Variants in LMX1B observed in about 807,000 individuals in gnomAD.
LMX1B encodes the protein LIM homeobox transcription factor 1 beta.
A neutral mutation model predicts 51.4 loss-of-function variants in LMX1B; 12 were observed. The ratio of observed to expected loss-of-function variants is 0.23; its 90% CI spans 0.15 to 0.38. LMX1B has a LOEUF of 0.38. LMX1B is among the 10% of genes least tolerant of loss of function. LMX1B has a pLI of 1.00. For missense variants in LMX1B, 445 were observed against 571.1 expected (o/e 0.78, Z 2.25); for synonymous variants, 237 against 235.4 (o/e 1.01, Z -0.06).
intron 2 of LMX1B, among the ~76,000 whole-genome samples, chr9:126,652,008 G>T (rs979035697): frequency 6.6e-6 from 1 of 151,726 alleles, no homozygotes; most frequent in Non-Finnish European, 1.5e-5. Flanking sequence ...GATGGGGGGG[G>T]GCCTGCCTGC....
chr9:126,672,224 G>A (rs1300168072), intron 2 of LMX1B, among the ~76,000 whole-genome samples: 1 of 152,232 alleles, frequency 6.6e-6, no homozygotes, highest in Admixed American at 6.5e-5. Flanking sequence ...TACCCTCTGT[G>A]GAATGGGATC....
chr9:126,631,476 C>T (rs1216498886), intron 2 of LMX1B, among the ~76,000 whole-genome samples: 1 of 151,858 alleles, frequency 6.6e-6, no homozygotes, highest in Non-Finnish European at 1.5e-5. Context: ...CAGCTGGGGG[C>T]CTTTTGAGTT....
rs1180740771 is a variant in LMX1B, at chr9:126,613,994, C to G, written c.-456C>G. Among the ~76,000 whole-genome samples the G allele has an allele frequency of 6.9e-6, 1 of 144,398 alleles. No homozygotes were observed. The highest frequency in any genetic ancestry group is 1.5e-5 in the Non-Finnish European group (1 of 65,094). The allele number at this position is 144,398 out of a possible 152,430, so 94.7% of individuals were successfully genotyped here. On this transcript the variant is annotated 5_prime_UTR_variant, in exon 1 of 8. Coordinates refer to ENST00000373474, the MANE Select transcript of LMX1B (RefSeq NM_001174147.2). The surrounding 1 kb of genome is among the most constrained non-coding windows in gnomAD (Gnocchi z 4.5). ...GCACTGGAGTAGCGCGGGGAGCGCG[C>G]CCGGAGCCCCGCGGCCCGCTGCGCC...
chr9:126,620,196 A>G (rs1835380722), intron 2 of LMX1B, among the ~76,000 whole-genome samples: 1 of 152,184 alleles, frequency 6.6e-6, no homozygotes, highest in South Asian at 2.1e-4. Context: ...AGGGAGGATG[A>G]GGAGCACCCT....
In LMX1B at chr9:126,690,845, G is replaced by C; in HGVS notation, c.336G>C (p.Ala112=). 6.2e-7 allele frequency: 1 copy of C among 1,610,316 alleles called. No homozygotes were observed. Among genetic ancestry groups the C allele is most frequent in the Non-Finnish European group, 8.5e-7 (1 of 1,179,242 alleles). Residue 112 remains alanine (A), a synonymous_variant, in exon 3 of 8, where the codon GCG becomes GCC. Coordinates refer to ENST00000373474, the MANE Select transcript of LMX1B (RefSeq NM_001174147.2). ...YCKQDYQQLF[A]AKCSGCMEKI... The stretch of plus-strand genomic sequence containing the variant: ...CTTTGTGCATCCGCAGGCTCTTCGC[G>C]GCCAAGTGCAGCGGCTGCATGGAGA...
In LMX1B at chr9:126,695,703, G is replaced by A; in HGVS notation, c.887-136G>A. ...GAGTGTGCACCTGGGGAAGGGGCTG[G>A]GGAGTCAGTGTCTGGACAGCTTCAG... is the stretch of plus-strand genomic sequence containing the variant. On this transcript the variant is annotated intron_variant, in intron 6 of 7. Coordinates refer to ENST00000373474, the MANE Select transcript of LMX1B (RefSeq NM_001174147.2). This position sits in a 1 kb window ranked among gnomAD's most constrained non-coding sequence, Gnocchi z 5.2. The A allele has an allele frequency of 1.1e-6, 1 of 919,152 alleles. No individual in the cohort carries two copies. Among genetic ancestry groups the A allele is most frequent in the Non-Finnish European group, 1.7e-6 (1 of 589,806 alleles). 56.9% of individuals were successfully genotyped at this position (919,152 alleles called of 1,614,324 possible).
intron 2 of LMX1B, among the ~76,000 whole-genome samples, chr9:126,636,366 G>A: frequency 6.6e-6 from 1 of 152,140 alleles, no homozygotes. Flanking sequence ...ATTATCCAGG[G>A]AAAGAGGGCA....
intron 2 of LMX1B, among the ~76,000 whole-genome samples, chr9:126,688,345 G>A (rs2029985926): frequency 6.6e-6 from 1 of 152,222 alleles, no homozygotes; most frequent in Admixed American, 6.5e-5. Flanking sequence ...AGCCTAAGAA[G>A]GTTTCCTCTC....
chr9:126,681,908 A>AT (rs1193434454), intron 2 of LMX1B, among the ~76,000 whole-genome samples: 3,173 of 150,830 alleles, frequency 0.021, 91 homozygotes, highest in African/African-American at 0.071. Flanking sequence ...CTCAAAAAAA[A>AT]AAAATAATAA....
At chr9:126,680,590 G>C (rs181293414) in intron 2 of LMX1B, among the ~76,000 whole-genome samples, 1 of 152,254 alleles carries the variant, frequency 6.6e-6, no homozygotes, top group Non-Finnish European at 1.5e-5. Context: ...AGGTACCTGG[G>C]ACTAGCTCAA....
intron 2 of LMX1B, among the ~76,000 whole-genome samples, chr9:126,635,883 C>G (rs926901767): frequency 2.0e-5 from 3 of 152,224 alleles, no homozygotes; most frequent in African/African-American, 7.2e-5. Flanking sequence ...TGAACACTTG[C>G]AGGCTGAGCC....
In LMX1B at chr9:126,618,486, C is replaced by A. The variant is rs1835344777; in HGVS notation, c.326+2917C>A. ...AGTTTGGGCATTTTCACTCTTAACTCCAAAAGTCTCCTTTTTCCCCATGTG... is the reference window on the plus strand; with the variant it reads ...AGTTTGGGCATTTTCACTCTTAACTACAAAAGTCTCCTTTTTCCCCATGTG... On this transcript the variant is annotated intron_variant, in intron 2 of 7. Coordinates refer to ENST00000373474, the MANE Select transcript of LMX1B (RefSeq NM_001174147.2). This position sits in a 1 kb window ranked among gnomAD's most constrained non-coding sequence, Gnocchi z 4.5. 6.6e-6 allele frequency among the ~76,000 whole-genome samples: 1 copy of A among 152,120 alleles called. No individual in the cohort carries two copies. The highest frequency in any genetic ancestry group is 1.5e-5 in the Non-Finnish European group (1 of 68,024).
chr9:126,669,793 A>G (rs910644165), intron 2 of LMX1B, among the ~76,000 whole-genome samples: 1 of 152,126 alleles, frequency 6.6e-6, no homozygotes, highest in Admixed American at 6.5e-5. Context: ...GGCAGGGCAG[A>G]AAAGGAGGTC....
At chr9:126,682,912 A>G (rs868247347) in intron 2 of LMX1B, among the ~76,000 whole-genome samples, 2,159 of 148,572 alleles carry the variant, frequency 0.015, 72 homozygotes, top group African/African-American at 0.05. Flanking sequence ...AAAAAAAAAA[A>G]AAAGAAAGAA....
chr9:126,677,158 A>G lies in LMX1B; in HGVS notation c.327-13678A>G, dbSNP rs572939021. On this transcript the variant is annotated intron_variant, in intron 2 of 7. Transcript: ENST00000373474. The surrounding 1 kb of genome is among the most constrained non-coding windows in gnomAD (Gnocchi z 5.0). ...CTGCCCTTTGCCCGTCCCCAGCCAG[A>G]GCGCAGGAGACCCAGGGATGTGGTC... Among the ~76,000 whole-genome samples the G allele has an allele frequency of 6.6e-6, 1 of 152,294 alleles. No individual in the cohort carries two copies. Among genetic ancestry groups the G allele is most frequent in the Admixed American group, 6.5e-5 (1 of 15,304 alleles).
At chr9:126,628,347 G>A (rs1835571072) in intron 2 of LMX1B, among the ~76,000 whole-genome samples, 1 of 152,222 alleles carries the variant, frequency 6.6e-6, no homozygotes, top group Non-Finnish European at 1.5e-5. Context: ...GTTGCAGGCC[G>A]AGCAGAGGAC....
rs574095852 is a variant in LMX1B, at chr9:126,696,623, C to T, written c.*172C>T. ...CTGTGCCCGTTGGGTACAGCCAGAC[C>T]GGTAGATGGGCACAGCCTGGGCAGG... On this transcript the variant is annotated 3_prime_UTR_variant, in exon 8 of 8. Transcript: ENST00000373474. 16 of 676,024 alleles carry T rather than the reference C, an allele frequency of 2.4e-5. No homozygotes were observed. The highest frequency in any genetic ancestry group is 2.0e-4 in the African/African-American group (11 of 55,456). 41.9% of individuals were successfully genotyped at this position (676,024 alleles called of 1,614,324 possible).
chr9:126,674,251 T>C (rs1480025136), intron 2 of LMX1B, among the ~76,000 whole-genome samples: 1 of 151,898 alleles, frequency 6.6e-6, no homozygotes, highest in Non-Finnish European at 1.5e-5. Context: ...TCTGAGTGAG[T>C]GTCTGGAGCC....
At chr9:126,651,051 A>AGGATGTGG (rs1157509655) in intron 2 of LMX1B, among the ~76,000 whole-genome samples, 2 of 152,084 alleles carry the variant, frequency 1.3e-5, no homozygotes, top group Non-Finnish European at 2.9e-5. Context: ...AAGGACTCCT[A>AGGATGTGG]GGATGTGGGG....
Sources: allele counts gnomAD v4.1 joint callset (sites outside exome capture counted in the v4.1 genomes callset), GRCh38; gene constraint gnomAD v4.1.1; non-coding constraint Gnocchi (gnomAD v3.1); transcripts MANE v1.5; gene names NCBI Gene and HGNC (gene_info 2026-07-23, HGNC 2026-07-21).